Variants in PYGB observed in about 807,000 individuals in gnomAD.
PYGB encodes the protein glycogen phosphorylase, brain form.
Under a neutral mutation model 94.3 loss-of-function variants are expected in PYGB, and 82 were observed. That is an observed-to-expected ratio of 0.87 (90% CI 0.73 to 1.04). The LOEUF is 1.04. PYGB is among the 50% of genes least tolerant of loss of function. PYGB has a pLI of 0.00. For missense variants in PYGB, 1,132 were observed against 1,158.2 expected, an observed-to-expected ratio of 0.98 and a Z score of 0.33; for synonymous variants, 488 against 479.1, an observed-to-expected ratio of 1.02 and a Z score of -0.24.
rs899386835 is a variant in PYGB, at chr20:25,289,953, A to C, written c.1828-528A>C. On this transcript the variant is annotated intron_variant, in intron 15 of 19. Transcript: ENST00000216962. The stretch of plus-strand genomic sequence containing the variant: ...CGGGTACTTCATGGGTCCCCTGCCC[A>C]GTTGTCTTTGTAAAGTAACAGACAT... 8 of 533,378 alleles carry C rather than the reference A, an allele frequency of 1.5e-5. No individual in the cohort carries two copies. In the African/African-American group the frequency reaches 1.5e-4, roughly 10 times the overall value. 33.0% of individuals were successfully genotyped at this position (533,378 alleles called of 1,614,324 possible). A position where few individuals can be genotyped will look rare whatever the true frequency, so the allele number is the denominator to read the frequency against.
chr20:25,275,480 C>A (rs1203024374), intron 5 of PYGB, among the ~76,000 whole-genome samples: 1 of 152,214 alleles, frequency 6.6e-6, no homozygotes, highest in African/African-American at 2.4e-5. Context: ...CGGGCAATAA[C>A]AGGAGAGCCT....
rs777761074 is a variant in PYGB, at chr20:25,295,667, C to T, written c.2376C>T (p.Tyr792=). ...MQCQAQVDQL[Y]RNPKEWTKKV... Reference sequence around the variant, plus strand: ...GCCAGGCACAGGTGGACCAGCTGTACCGGGTGAGGCTCCTGGGTCCAGAGG... The same window carrying T: ...GCCAGGCACAGGTGGACCAGCTGTATCGGGTGAGGCTCCTGGGTCCAGAGG... Residue 792 remains tyrosine (Y), a synonymous_variant, in exon 19 of 20, where the codon TAC becomes TAT. Transcript: ENST00000216962. 4.1e-5 allele frequency: 66 copies of T among 1,612,882 alleles called. No homozygotes were observed. The highest frequency in any genetic ancestry group is 5.0e-5 in the Non-Finnish European group (59 of 1,179,052).
chr20:25,280,585 G>A (rs113268205), intron 10 of PYGB, among the ~76,000 whole-genome samples, 173 bp downstream of exon 10: 1 of 152,338 alleles, frequency 6.6e-6, no homozygotes, highest in African/African-American at 2.4e-5. Flanking sequence ...TGATCCCCAC[G>A]CCTGGCCCAC....
chr20:25,248,271 C>T lies in PYGB; in HGVS notation c.93C>T (p.Ser31=), dbSNP rs1324756497. The change falls in exon 1 of 20, where the codon AGC becomes AGT. Residue 31 remains serine, a synonymous_variant. Coordinates refer to ENST00000216962, the MANE Select transcript of PYGB (RefSeq NM_002862.4). ...GLGDVAEVRK[S]FNRHLHFTLV... is the part of the protein sequence containing the mutation. ...GCGACGTGGCCGAGGTGCGGAAGAG[C>T]TTCAACCGGCACTTGCACTTCACGC... 1 of 1,601,556 alleles carries T rather than the reference C, an allele frequency of 6.2e-7. No individual in the cohort carries two copies. Among genetic ancestry groups the T allele is most frequent in the East Asian group, 2.3e-5 (1 of 43,746 alleles).
In PYGB at chr20:25,272,446, C is replaced by G. The variant is rs2088275711; in HGVS notation, c.528+960C>G. 3.3e-5 allele frequency among the ~76,000 whole-genome samples: 5 copies of G among 152,242 alleles called. No individual in the cohort carries two copies. The South Asian group carries it at 1.0e-3, about 31-fold the overall frequency. On this transcript the variant is annotated intron_variant, in intron 4 of 19. Transcript: ENST00000216962. The stretch of plus-strand genomic sequence containing the variant: ...AACATAAACGCAAGGAGCTGCTGTC[C>G]ATGACACGCACAGCGATGCGTTTAG...
chr20:25,252,625 G>A (rs1247420532), intron 1 of PYGB, among the ~76,000 whole-genome samples: 10 of 152,198 alleles, frequency 6.6e-5, no homozygotes, highest in African/African-American at 2.4e-4. Context: ...TTACTTACAA[G>A]GAATACAACC....
chr20:25,265,548 C>T (rs1490632808), intron 2 of PYGB, among the ~76,000 whole-genome samples: 1 of 150,726 alleles, frequency 6.6e-6, no homozygotes, highest in Non-Finnish European at 1.5e-5. Context: ...CTATTCAATT[C>T]ATTTACTCAT....
In PYGB at chr20:25,279,162, GA is replaced by G; in HGVS notation, c.1092+17del. On this transcript the variant is annotated intron_variant, in intron 9 of 19. Transcript: ENST00000216962. ...GGACTGGGACAAGGTGAGCATGGAG[GA>G]AAAGGGCGGCACCTCCCCAGAGCCT... 6.2e-7 allele frequency: 1 copy of G among 1,612,240 alleles called. No homozygotes were observed. Among genetic ancestry groups the G allele is most frequent in the Non-Finnish European group, 8.5e-7 (1 of 1,178,790 alleles).
intron 5 of PYGB, among the ~76,000 whole-genome samples, chr20:25,275,689 G>C (rs2088305063): frequency 6.6e-6 from 1 of 152,264 alleles, no homozygotes; most frequent in Non-Finnish European, 1.5e-5. Flanking sequence ...ATGTCAGTGT[G>C]AGTGGGGATG....
chr20:25,287,481 C>T (rs1279226678), intron 14 of PYGB, among the ~76,000 whole-genome samples: 1 of 152,006 alleles, frequency 6.6e-6, no homozygotes. Context: ...CCCATCTGTA[C>T]TAAAAGTGAA....
intron 17 of PYGB, among the ~76,000 whole-genome samples, chr20:25,293,401 T>G (rs557516636): frequency 3.2e-4 from 46 of 145,784 alleles, no homozygotes; most frequent in Non-Finnish European, 5.8e-4. Flanking sequence ...TGTGACAGCT[T>G]CTCAGTTTTT....
intron 4 of PYGB, among the ~76,000 whole-genome samples, chr20:25,272,835 C>T (rs555200895): frequency 2.6e-4 from 39 of 152,312 alleles, no homozygotes; most frequent in African/African-American, 8.9e-4. Context: ...CCCCATGTCA[C>T]GTGTGGGTTT....
intron 1 of PYGB, among the ~76,000 whole-genome samples, chr20:25,255,985 A>C (rs147586753): frequency 2.0e-5 from 3 of 152,310 alleles, no homozygotes; most frequent in Non-Finnish European, 4.4e-5. Flanking sequence ...TACCTGCCTC[A>C]GCCTCCCAAA....
intron 2 of PYGB, among the ~76,000 whole-genome samples, chr20:25,266,091 T>G (rs1336800599): frequency 6.6e-6 from 1 of 152,078 alleles, no homozygotes; most frequent in Non-Finnish European, 1.5e-5. Context: ...CCTCAAGTTA[T>G]CTGCCTGCCT....
chr20:25,276,046 G>A (rs926060327), intron 5 of PYGB, among the ~76,000 whole-genome samples: 2 of 152,182 alleles, frequency 1.3e-5, no homozygotes, highest in Non-Finnish European at 2.9e-5. Flanking sequence ...TGGTGGTAGC[G>A]GAGCTGATGT....
chr20:25,269,838 C>A (rs1017528911), intron 3 of PYGB, among the ~76,000 whole-genome samples: 1 of 152,232 alleles, frequency 6.6e-6, no homozygotes, highest in Non-Finnish European at 1.5e-5. Flanking sequence ...CCCTCCCCGG[C>A]CCCGAGACCT....
chr20:25,267,408 G>A (rs527806286), intron 2 of PYGB, among the ~76,000 whole-genome samples: 7 of 152,278 alleles, frequency 4.6e-5, no homozygotes, highest in Admixed American at 6.5e-5. Flanking sequence ...CGAATTTTAC[G>A]GTTAATGAAT....
At chr20:25,262,678 A>C (rs1427830571) in intron 2 of PYGB, among the ~76,000 whole-genome samples, 1 of 139,936 alleles carries the variant, frequency 7.1e-6, no homozygotes, top group Non-Finnish European at 1.5e-5. Flanking sequence ...ACTTGACTGG[A>C]TAAAGAGTCA....
At chr20:25,250,459 G>A (rs1398925303) in intron 1 of PYGB, among the ~76,000 whole-genome samples, 1 of 152,174 alleles carries the variant, frequency 6.6e-6, no homozygotes, top group African/African-American at 2.4e-5. Flanking sequence ...TCTGTAAGTC[G>A]TAAAGTTGTA....
Sources: allele counts gnomAD v4.1 joint callset (sites outside exome capture counted in the v4.1 genomes callset), GRCh38; gene constraint gnomAD v4.1.1; transcripts MANE v1.5; gene names NCBI Gene and HGNC (gene_info 2026-07-23, HGNC 2026-07-21).